TEX9: variants seen among roughly 807,000 people sequenced by gnomAD.
TEX9 encodes testis expressed 9.
In TEX9, 74 loss-of-function variants were observed where a neutral mutation model predicts 59.6. The ratio of observed to expected loss-of-function variants is 1.24; its 90% CI spans 1.03 to 1.51. TEX9 has a LOEUF of 1.51. TEX9 is among the 40% of genes most tolerant of loss of function. TEX9 has a pLI of 0.00. For synonymous variants in TEX9, 186 were observed against 152.2 expected, an observed-to-expected ratio of 1.22 and a Z score of -1.64; for missense variants, 522 against 447.8, an observed-to-expected ratio of 1.17 and a Z score of -1.49.
intron 1 of TEX9, among the ~76,000 whole-genome samples, chr15:56,310,416 G>A (rs1253520635): frequency 6.6e-6 from 1 of 152,144 alleles, no homozygotes; most frequent in African/African-American, 2.4e-5. Context: ...TGGGCAACAA[G>A]AGCAAAATTC....
chr15:56,340,804 G>T (rs1180346659), intron 1 of TEX9, among the ~76,000 whole-genome samples: 2 of 152,142 alleles, frequency 1.3e-5, no homozygotes. Context: ...GCCAAGACAG[G>T]AGTGGGTGAC....
chr15:56,403,370 T>G (rs1381507118), intron 9 of TEX9, among the ~76,000 whole-genome samples: 2 of 152,158 alleles, frequency 1.3e-5, no homozygotes, highest in East Asian at 3.8e-4. Context: ...ATGAGTGAAC[T>G]CCCATTCACA....
chr15:56,289,138 A>G (rs1410725468), intron 1 of TEX9, among the ~76,000 whole-genome samples: 3 of 151,998 alleles, frequency 2.0e-5, no homozygotes, highest in African/African-American at 7.2e-5. Context: ...CTCTGATTCT[A>G]TTGAATTATT....
intron 12 of TEX9, among the ~76,000 whole-genome samples, chr15:56,432,382 C>T (rs7171270): frequency 0.026 from 3,972 of 152,092 alleles, 168 homozygotes; most frequent in African/African-American, 0.091. Flanking sequence ...TTTGTCTGAC[C>T]GTATGATTTT....
At chr15:56,294,903 T>C (rs1160218887) in intron 1 of TEX9, among the ~76,000 whole-genome samples, 2 of 152,168 alleles carry the variant, frequency 1.3e-5, no homozygotes, top group African/African-American at 4.8e-5. Context: ...AGGTAGAGAC[T>C]GACAAGGGTA....
rs2043899381 is a variant in TEX9 at position 56,247,859 on chromosome 15, C to T, written c.-107+3581C>T. On this transcript the variant is annotated intron_variant, in intron 1 of 5. Coordinates refer to the TEX9 transcript ENST00000560827. ...TATAAAAATAAAATACTCCTCTCAT[C>T]CTCTTTTCCCCTGATCATTACTTCC... Among the ~76,000 whole-genome samples the T allele has an allele frequency of 2.0e-5, 3 of 152,320 alleles. No homozygotes were observed. In the South Asian group the frequency reaches 6.2e-4, roughly 32 times the overall value.
At chr15:56,354,971 T>C (rs952787234) in intron 1 of TEX9, among the ~76,000 whole-genome samples, 5 of 152,178 alleles carry the variant, frequency 3.3e-5, no homozygotes, top group Admixed American at 6.5e-5. Context: ...GATTGAGGAA[T>C]AATTTACATA....
At chr15:56,444,529 T>C (rs1190986551) in intron 12 of TEX9, 1 of 1,612,638 alleles carries the variant, frequency 6.2e-7, no homozygotes, top group Non-Finnish European at 8.5e-7. Flanking sequence ...TCCTGCTTTT[T>C]TTTTTCTTGT....
chr15:56,316,748 C>A (rs1259499449), intron 1 of TEX9, among the ~76,000 whole-genome samples: 1 of 152,192 alleles, frequency 6.6e-6, no homozygotes, highest in Non-Finnish European at 1.5e-5. Context: ...CCTCCCCCAG[C>A]CTCGCTGTCG....
intron 1 of TEX9, among the ~76,000 whole-genome samples, chr15:56,298,543 T>C (rs74247162): frequency 0.061 from 9,317 of 152,264 alleles, 692 homozygotes; most frequent in East Asian, 0.37. Flanking sequence ...AGCATCTACA[T>C]TGGGCCCATA....
downstream of TEX9, among the ~76,000 whole-genome samples, chr15:56,449,473 C>T (rs568894284): frequency 1.3e-5 from 2 of 152,268 alleles, no homozygotes; most frequent in South Asian, 4.1e-4. Flanking sequence ...GATGATTTAT[C>T]TTTCTTATAC....
chr15:56,428,257 C>T, intron 11 of TEX9, 110 bp from the exon 12 acceptor site: 2 of 749,964 alleles, frequency 2.7e-6, no homozygotes, highest in Non-Finnish European at 4.5e-6. Flanking sequence ...ATTCCTACAA[C>T]AGAACTTATA....
intron 1 of TEX9, among the ~76,000 whole-genome samples, chr15:56,332,229 A>G (rs1475393144): frequency 2.0e-5 from 3 of 148,772 alleles, no homozygotes; most frequent in African/African-American, 7.4e-5. Context: ...CCAAATGTCC[A>G]ACAATGATAG....
chr15:56,249,438 G>GGGGA (rs2043954346), intron 1 of TEX9, among the ~76,000 whole-genome samples: 1 of 151,316 alleles, frequency 6.6e-6, no homozygotes, highest in Non-Finnish European at 1.5e-5. Context: ...AAGCACATCT[G>GGGGA]GGGAGAGAGA....
At chr15:56,358,386 T>C (rs1356748095) in intron 1 of TEX9, among the ~76,000 whole-genome samples, 4 of 151,268 alleles carry the variant, frequency 2.6e-5, no homozygotes, top group African/African-American at 9.7e-5. Flanking sequence ...TGGAAGGGTG[T>C]CCCAGATCAT....
intron 9 of TEX9, among the ~76,000 whole-genome samples, chr15:56,403,364 G>C (rs140867279): frequency 8.8e-4 from 134 of 152,296 alleles, no homozygotes; most frequent in African/African-American, 3.0e-3. Context: ...CAAATCATGA[G>C]TGAACTCCCA....
At chr15:56,244,830 C>G (rs2043807516) in intron 1 of TEX9, among the ~76,000 whole-genome samples, 1 of 151,604 alleles carries the variant, frequency 6.6e-6, no homozygotes, top group African/African-American at 2.4e-5. Context: ...CCCCCCCTTC[C>G]CATTCATACC....
rs1228458159 is a variant in TEX9 at position 56,315,634 on chromosome 15, G to C, written c.-106-57807G>C. Among the ~76,000 whole-genome samples, 64 of 146,394 alleles carry C rather than the reference G, an allele frequency of 4.4e-4. 3 individuals are homozygous for C. In the Admixed American group the frequency reaches 4.4e-3, roughly 10 times the overall value. The stretch of plus-strand genomic sequence containing the variant: ...GAATCTGACAATTATGTGTCTTGGA[G>C]TTGCTCTTCTCGAGGAGTATCTTTG... On this transcript the variant is annotated intron_variant, in intron 1 of 5. Coordinates refer to the TEX9 transcript ENST00000560827.
intron 3 of TEX9, among the ~76,000 whole-genome samples, chr15:56,373,881 CA>C (rs1364045064): frequency 6.6e-6 from 1 of 151,956 alleles, no homozygotes; most frequent in Non-Finnish European, 1.5e-5. Context: ...CCCTATGCCC[CA>C]AAATGGAGTT....
Sources: allele counts gnomAD v4.1 joint callset (sites outside exome capture counted in the v4.1 genomes callset), GRCh38; gene constraint gnomAD v4.1.1; transcripts MANE v1.5; gene names NCBI Gene and HGNC (gene_info 2026-07-23, HGNC 2026-07-21).